Variants in NRXN1 observed in about 807,000 individuals in gnomAD.
NRXN1 encodes the protein neurexin-1.
NRXN1 carries 39 observed loss-of-function variants against 150.9 expected under a neutral mutation model. That is an observed-to-expected ratio of 0.26 (90% confidence interval 0.20 to 0.34). NRXN1 has a LOEUF of 0.34. NRXN1 is among the 10% of genes least tolerant of loss of function. The pLI is 1.00. For synonymous variants in NRXN1, 924 were observed against 757.0 expected (o/e 1.22, Z -3.62); for missense variants, 1,815 against 1,949.9 (o/e 0.93, Z 1.30).
intron 5 of NRXN1, among the ~76,000 whole-genome samples, chr2:50,693,587 G>C (rs1029591492): frequency 6.6e-6 from 1 of 152,040 alleles, no homozygotes; most frequent in South Asian, 2.1e-4. Context: ...TAAATACGTT[G>C]AATCAATGAA....
intron 18 of NRXN1, among the ~76,000 whole-genome samples, chr2:50,222,444 T>C (rs1443962056): frequency 6.6e-6 from 1 of 152,016 alleles, no homozygotes; most frequent in Non-Finnish European, 1.5e-5. Flanking sequence ...GATATCTTCA[T>C]ACACTGCTGG....
chr2:50,686,233 T>C (rs2104838734), intron 5 of NRXN1, among the ~76,000 whole-genome samples: 1 of 152,286 alleles, frequency 6.6e-6, no homozygotes, highest in Middle Eastern at 3.4e-3. Flanking sequence ...GAGTGTTTTA[T>C]TTGGCAAACA....
At chr2:50,331,564 T>G (rs527942583) in intron 17 of NRXN1, among the ~76,000 whole-genome samples, 1 of 152,196 alleles carries the variant, frequency 6.6e-6, no homozygotes, top group Non-Finnish European at 1.5e-5. Flanking sequence ...CCTATATGAA[T>G]ACTCTCTATG....
At chr2:50,295,622 T>C (rs904762508) in intron 17 of NRXN1, among the ~76,000 whole-genome samples, 1 of 152,262 alleles carries the variant, frequency 6.6e-6, no homozygotes, top group African/African-American at 2.4e-5. Flanking sequence ...ATGTGGGCTC[T>C]GAATTTTATT....
intron 17 of NRXN1, among the ~76,000 whole-genome samples, chr2:50,321,603 C>T (rs1013083902): frequency 4.6e-5 from 7 of 152,018 alleles, no homozygotes; most frequent in East Asian, 1.9e-4. Context: ...TTTCGAGAAA[C>T]GGAAGGTATT....
At chr2:50,892,777 A>G (rs193234240) in intron 5 of NRXN1, among the ~76,000 whole-genome samples, 18 of 152,324 alleles carry the variant, frequency 1.2e-4, no homozygotes, top group Admixed American at 7.2e-4. Context: ...GTAAACACAT[A>G]TTATATATTG....
rs77469427 is a variant in NRXN1 at position 50,627,773 on chromosome 2, G to C, written c.833-4158C>G. On this transcript the variant is annotated intron_variant, in intron 5 of 22. Transcript: ENST00000401669. ...TAATTTACATTATTAAGAAAGCGAG[G>C]CTCATGGAGTTTATATGACCCTCAA... 1.9e-3 allele frequency among the ~76,000 whole-genome samples: 295 copies of C among 151,778 alleles called. 13 individuals are homozygous for C. The East Asian group carries it at 0.042, about 22-fold the overall frequency.
intron 5 of NRXN1, among the ~76,000 whole-genome samples, chr2:50,692,344 A>G (rs1692200535): frequency 6.6e-6 from 1 of 152,134 alleles, no homozygotes. Context: ...TTACTTTGTG[A>G]TAACACACTA....
intron 5 of NRXN1, among the ~76,000 whole-genome samples, chr2:50,693,183 C>A (rs1402570252): frequency 6.6e-6 from 1 of 152,094 alleles, no homozygotes; most frequent in Non-Finnish European, 1.5e-5. Context: ...AGGCAAAAAT[C>A]CAAAGGAGAG....
chr2:50,909,891 C>G (rs1684282556), intron 5 of NRXN1, among the ~76,000 whole-genome samples: 1 of 151,932 alleles, frequency 6.6e-6, no homozygotes. Flanking sequence ...CAAGCAGGAT[C>G]TTAATACCCT....
At chr2:50,398,940 C>T (rs1270763815) in intron 17 of NRXN1, among the ~76,000 whole-genome samples, 1 of 152,108 alleles carries the variant, frequency 6.6e-6, no homozygotes, top group Non-Finnish European at 1.5e-5. Flanking sequence ...GGTATACAAG[C>T]ATATACATGA....
At chr2:50,686,145 CAAAG>C (rs1321980706) in intron 5 of NRXN1, among the ~76,000 whole-genome samples, 6 of 152,002 alleles carry the variant, frequency 3.9e-5, no homozygotes, top group Non-Finnish European at 8.8e-5. Flanking sequence ...AAAAAACAAA[CAAAG>C]AAACAAACAA....
Position 50,531,296 on chromosome 2 carries a change from A to C in NRXN1, c.2278T>G (p.Ser760Ala). The C allele has an allele frequency of 6.2e-7, 1 of 1,613,632 alleles. No homozygotes were observed. Among genetic ancestry groups the C allele is most frequent in the South Asian group, 1.1e-5 (1 of 91,022 alleles). Residue 760 changes from serine to alanine, a missense_variant, in exon 11 of 23, where the codon TCT (serine) becomes GCT (alanine). By Grantham distance (99) the Ser-to-Ala change is moderately conservative. Coordinates refer to ENST00000401669, the MANE Select transcript of NRXN1 (RefSeq NM_001330078.2). ...CGGAGGGTGTCAGCAGAGTCTCTAGAAGTGGTTGCCATCAGAATGCCATAT... is the reference window on the plus strand; with the variant it reads ...CGGAGGGTGTCAGCAGAGTCTCTAGCAGTGGTTGCCATCAGAATGCCATAT... ...RAYGILMATT[S>A]RDSADTLRLE...
intron 17 of NRXN1, among the ~76,000 whole-genome samples, chr2:50,402,283 A>AT (rs202203518): frequency 6.6e-6 from 1 of 151,784 alleles, no homozygotes; most frequent in African/African-American, 2.4e-5. Flanking sequence ...AAGAGAAATC[A>AT]TTTTTTTGTT....
At chr2:50,607,851 G>A (rs1361735957) in intron 8 of NRXN1, among the ~76,000 whole-genome samples, 1 of 151,820 alleles carries the variant, frequency 6.6e-6, no homozygotes, top group Non-Finnish European at 1.5e-5. Context: ...AGAATCCAAA[G>A]CTTATTACTT....
intron 2 of NRXN1, among the ~76,000 whole-genome samples, chr2:50,941,208 T>A (rs779652302): frequency 1.3e-5 from 2 of 152,204 alleles, no homozygotes; most frequent in African/African-American, 4.8e-5. Flanking sequence ...CATGTAGAAC[T>A]CTGAGTCAAT....
chr2:50,408,837 A>ATCTCTCTCTCTCTCTCTC (rs10522429), intron 17 of NRXN1, among the ~76,000 whole-genome samples: 1,757 of 136,492 alleles, frequency 0.013, 47 homozygotes, highest in Non-Finnish European at 0.02. Context: ...ATCAATCTCA[A>ATCTCTCTCTCTCTCTCTC]TCTCTCTCTC....
chr2:50,918,498 C>T (rs1163055560), intron 5 of NRXN1: 1 of 353,766 alleles, frequency 2.8e-6, no homozygotes, highest in African/African-American at 2.2e-5. Context: ...TACAAGCCTC[C>T]AATCAAAGTG....
At chr2:50,918,710 A>AAACAAG in intron 5 of NRXN1, 1 of 334,612 alleles carries the variant, frequency 3.0e-6, no homozygotes, top group African/African-American at 2.1e-5. Flanking sequence ...ATAGGAAAAG[A>AAACAAG]AACAAGAACA....
Sources: gnomAD v4.1 joint callset for allele counts (sites outside exome capture counted in the v4.1 genomes callset) on GRCh38, gnomAD v4.1.1 for gene constraint, MANE v1.5 for transcripts, NCBI Gene and HGNC (gene_info 2026-07-23, HGNC 2026-07-21) for gene names.